MACF1: variants seen among roughly 807,000 people sequenced by gnomAD.
MACF1 encodes microtubule actin crosslinking factor 1, also known as microtubule-actin cross-linking factor 1.
In MACF1, 193 loss-of-function variants were observed where a neutral mutation model predicts 854.8. The observed-to-expected ratio is 0.23, with a 90% confidence interval of 0.20 to 0.25. The LOEUF is 0.25. MACF1 is among the 10% of genes least tolerant of loss of function. MACF1 has a pLI of 1.00. For missense variants in MACF1, 7,722 were observed against 8,929.1 expected, an observed-to-expected ratio of 0.86 and a Z score of 5.45; for synonymous variants, 3,185 against 3,226.7, an observed-to-expected ratio of 0.99 and a Z score of 0.44.
At chr1:39,347,300 G>T (rs1045411496) in intron 41 of MACF1, 90 bp downstream of exon 41, 26 of 975,326 alleles carry the variant, frequency 2.7e-5, no homozygotes, top group Non-Finnish European at 4.0e-5. Context: ...TATCATGATT[G>T]CAGGAGCCTG....
intron 2 of MACF1, among the ~76,000 whole-genome samples, chr1:39,123,562 A>T (rs961453431): frequency 6.6e-6 from 1 of 150,888 alleles, no homozygotes; most frequent in Non-Finnish European, 1.5e-5. Context: ...TTCTTGAGGC[A>T]GAGTCTTACT....
At chr1:39,175,835 C>T (rs531914490) in intron 2 of MACF1, among the ~76,000 whole-genome samples, 22 of 150,528 alleles carry the variant, frequency 1.5e-4, no homozygotes, top group African/African-American at 3.7e-4. Context: ...CAGTGGCTCA[C>T]GCCTGTAATC....
chr1:39,379,213 G>T lies in MACF1; in HGVS notation c.13287G>T (p.Glu4429Asp), dbSNP rs1473490058. The T allele has an allele frequency of 6.2e-7, 1 of 1,600,106 alleles. No homozygotes were observed. Among genetic ancestry groups the T allele is most frequent in the African/African-American group, 1.3e-5 (1 of 74,510 alleles). The change falls in exon 54 of 101, where the codon GAG (glutamate) becomes GAT (aspartate). Residue 4429 changes from glutamate (E) to aspartate (D), a missense_variant. Coordinates refer to ENST00000564288, the MANE Select transcript of MACF1 (RefSeq NM_001394062.1). Reference protein sequence around the residue: ...NGYHTCKDLTEIQCDMSDVNL... With the variant: ...NGYHTCKDLTDIQCDMSDVNL... ...TTTCTATGATACTAGATCTGACGGAGATCCAGTGTGACATGTCAGATGTAA... is the reference window on the plus strand; with the variant it reads ...TTTCTATGATACTAGATCTGACGGATATCCAGTGTGACATGTCAGATGTAA...
chr1:39,340,504 A>T lies in MACF1; in HGVS notation c.10218A>T (p.Val3406=), dbSNP rs374363971. The change falls in exon 39 of 101, where the codon GTA becomes GTT. Residue 3406 remains valine (V), a splice_region_variant and synonymous_variant. Transcript: ENST00000564288. Reference sequence around the variant, plus strand: ...GTAACTCCACTTTATTCCCTCAGGTATTAGAAAGGGAGTTAAAGGATCTGA... The same window carrying T: ...GTAACTCCACTTTATTCCCTCAGGTTTTAGAAAGGGAGTTAAAGGATCTGA... ...ELQDLLCQAK[V]LERELKDLTT... The T allele has an allele frequency of 2.5e-5, 40 of 1,608,814 alleles. No individual in the cohort carries two copies. Among genetic ancestry groups the T allele is most frequent in the Non-Finnish European group, 3.4e-5 (40 of 1,176,678 alleles).
chr1:39,358,614 A>G (rs1647802117), intron 45 of MACF1, 83 bp from the exon 46 acceptor site: 2 of 1,341,784 alleles, frequency 1.5e-6, no homozygotes, highest in Non-Finnish European at 2.1e-6. Context: ...TGTCTGTAAC[A>G]AAGCCAGGCC....
intron 58 of MACF1, among the ~76,000 whole-genome samples, chr1:39,389,931 C>G (rs180739616): frequency 1.3e-5 from 2 of 152,244 alleles, no homozygotes; most frequent in Admixed American, 6.5e-5. Flanking sequence ...GAAGTACTGC[C>G]TTAATTGCAA....
intron 2 of MACF1, among the ~76,000 whole-genome samples, chr1:39,110,168 C>G (rs552393523): frequency 6.7e-6 from 1 of 150,136 alleles, no homozygotes; most frequent in African/African-American, 2.4e-5. Context: ...AAGTGACGCT[C>G]TGAAGCAACC....
rs377399442 is a variant in MACF1, at chr1:39,207,484, T to A, written c.109+2353T>A. 8.9e-4 allele frequency among the ~76,000 whole-genome samples: 135 copies of A among 152,114 alleles called. 3 individuals carry two copies. The South Asian group carries it at 0.027, about 30-fold the overall frequency. ...TAGTAGAGACGGGGTTTCTCCATGT[T>A]GGTCAGGCTGGTCTCGAACTCCTGA... On this transcript the variant is annotated intron_variant, in intron 1 of 100. Transcript: ENST00000564288.
At chr1:39,446,714 A>G (rs1218762580) in intron 80 of MACF1, among the ~76,000 whole-genome samples, 1 of 152,124 alleles carries the variant, frequency 6.6e-6, no homozygotes, top group Non-Finnish European at 1.5e-5. Context: ...TCATTACCAA[A>G]AGGTTAGTGT....
chr1:39,181,423 A>G (rs1395714879), intron 2 of MACF1, among the ~76,000 whole-genome samples: 1 of 152,186 alleles, frequency 6.6e-6, no homozygotes, highest in Non-Finnish European at 1.5e-5. Flanking sequence ...AAACTGATCT[A>G]TAGATTCAAT....
At chr1:39,381,382 G>C (rs964428875) in intron 55 of MACF1, among the ~76,000 whole-genome samples, 1 of 143,132 alleles carries the variant, frequency 7.0e-6, no homozygotes, top group African/African-American at 2.6e-5. Flanking sequence ...TTTTTTTGGG[G>C]GGGGGGACAG....
rs1332777149 is a variant in MACF1 at position 39,336,312 on chromosome 1, A to G, written c.9724A>G (p.Met3242Val). ...ACTAACTGGAGAGAAATTTCTAGAAATGGCAAACCCTAATGTTGCAGGTCT... is the reference window on the plus strand; with the variant it reads ...ACTAACTGGAGAGAAATTTCTAGAAGTGGCAAACCCTAATGTTGCAGGTCT... ...QELTGEKFLE[M>V]ANPNVAGLEA... The change falls in exon 37 of 101, where the codon ATG becomes GTG. Residue 3242 changes from methionine to valine, a missense_variant. Coordinates refer to ENST00000564288, the MANE Select transcript of MACF1 (RefSeq NM_001394062.1). 1 of 1,614,076 alleles carries G rather than the reference A, an allele frequency of 6.2e-7. No individual in the cohort carries two copies. Among genetic ancestry groups the G allele is most frequent in the Non-Finnish European group, 8.5e-7 (1 of 1,180,032 alleles).
chr1:39,380,925 A>G (rs1650132399), intron 55 of MACF1, among the ~76,000 whole-genome samples: 1 of 152,192 alleles, frequency 6.6e-6, no homozygotes, highest in African/African-American at 2.4e-5. Flanking sequence ...AAAAAACGTA[A>G]CAAAAGAACT....
At chr1:39,324,466 A>C in intron 34 of MACF1, 121 bp downstream of exon 34, 1 of 1,263,662 alleles carries the variant, frequency 7.9e-7, no homozygotes, top group Non-Finnish European at 1.1e-6. Flanking sequence ...GTAAATGTTA[A>C]AGAAACTTAA....
rs200006001 is a variant in MACF1, at chr1:39,368,349, A to G, written c.12938+35A>G. ...CACTTGTGTTGGTCAGCATTGGGGA[A>G]CTATTTTTTCTTGTTATGGAGTGAA... is the stretch of plus-strand genomic sequence containing the variant. On this transcript the variant is annotated intron_variant, in intron 50 of 100. Coordinates refer to ENST00000564288, the MANE Select transcript of MACF1 (RefSeq NM_001394062.1). The G allele has an allele frequency of 2.2e-5, 34 of 1,579,640 alleles. 1 individual carries two copies. The Admixed American group carries it at 4.3e-4, about 20-fold the overall frequency.
chr1:39,486,060 A>C lies in MACF1; in HGVS notation c.*266A>C. Reference sequence around the variant, plus strand: ...AAAACAAGTGAAAAGGTCAAGATACAAATGTGTATTAAAAAAAAAAAAGCC... The same window carrying C: ...AAAACAAGTGAAAAGGTCAAGATACCAATGTGTATTAAAAAAAAAAAAGCC... On this transcript the variant is annotated 3_prime_UTR_variant, in exon 101 of 101. Transcript: ENST00000564288. The C allele has an allele frequency of 3.3e-6, 1 of 306,988 alleles. No individual in the cohort carries two copies. The allele number at this position is 306,988 out of a possible 1,614,324, so 19.0% of individuals were successfully genotyped here.
intron 5 of MACF1, among the ~76,000 whole-genome samples, chr1:39,256,505 A>G (rs1238053496): frequency 6.6e-6 from 1 of 152,214 alleles, no homozygotes; most frequent in Non-Finnish European, 1.5e-5. Context: ...CTGGAGACAC[A>G]CAAGTTTCAG....
At chr1:39,341,658 A>T (rs576046058) in intron 40 of MACF1, among the ~76,000 whole-genome samples, 3 of 151,906 alleles carry the variant, frequency 2.0e-5, no homozygotes, top group Non-Finnish European at 4.4e-5. Context: ...AGACCGCGCC[A>T]TTGCACTCCA....
chr1:39,380,043 TC>T lies in MACF1; in HGVS notation c.13519-200del, dbSNP rs554214026. On this transcript the variant is annotated intron_variant, in intron 54 of 100. Coordinates refer to ENST00000564288, the MANE Select transcript of MACF1 (RefSeq NM_001394062.1). ...CTGATGTATTATACATAAAAGAAAC[TC>T]AGATCCTGCCATTTAGATTTTCATT... Among the ~76,000 whole-genome samples the T allele has an allele frequency of 1.1e-4, 16 of 152,332 alleles. No homozygotes were observed. In the South Asian group the frequency reaches 3.3e-3, roughly 32 times the overall value.
Sources: gnomAD v4.1 joint callset for allele counts (sites outside exome capture counted in the v4.1 genomes callset) on GRCh38, gnomAD v4.1.1 for gene constraint, MANE v1.5 for transcripts, NCBI Gene and HGNC (gene_info 2026-07-23, HGNC 2026-07-21) for gene names.